CTNND2: variants seen among roughly 807,000 people sequenced by gnomAD.
The protein encoded by CTNND2 is catenin delta-2.
A neutral mutation model predicts 144.4 loss-of-function variants in CTNND2; 22 were observed. The observed-to-expected ratio is 0.15, with a 90% CI of 0.11 to 0.22. CTNND2 has a LOEUF of 0.22. Among genes scored for constraint, CTNND2 ranks in the 10% least tolerant of loss-of-function variants. CTNND2 has a pLI of 1.00. For synonymous variants in CTNND2, 751 were observed against 695.6 expected (o/e 1.08, Z -1.25); for missense variants, 1,353 against 1,618.8 (o/e 0.84, Z 2.82).
chr5:11,700,140 T>G (rs142676762), intron 2 of CTNND2, among the ~76,000 whole-genome samples: 1 of 152,080 alleles, frequency 6.6e-6, no homozygotes, highest in Non-Finnish European at 1.5e-5. Flanking sequence ...GTAATCCCAG[T>G]GCTTTGGGAG....
At chr5:11,522,851 G>A (rs1394238543) in intron 3 of CTNND2, among the ~76,000 whole-genome samples, 1 of 152,146 alleles carries the variant, frequency 6.6e-6, no homozygotes, top group Non-Finnish European at 1.5e-5. Flanking sequence ...AATTTACTAT[G>A]ATAAATACTG....
chr5:11,721,619 G>T (rs1015815136), intron 2 of CTNND2, among the ~76,000 whole-genome samples: 1 of 152,178 alleles, frequency 6.6e-6, no homozygotes, highest in East Asian at 1.9e-4. Context: ...GCTGGGGCTC[G>T]GGGCTCCACT....
intron 2 of CTNND2, among the ~76,000 whole-genome samples, chr5:11,640,313 T>C (rs1781934642): frequency 6.6e-6 from 1 of 152,224 alleles, no homozygotes; most frequent in South Asian, 2.1e-4. Flanking sequence ...TCTCTTTTCA[T>C]CACTAATTGC....
rs568421349 is a variant in CTNND2 at position 11,190,067 on chromosome 5, C to T, written c.1975+9381G>A. ...ATGGGCAATGTCTCAGCATAGAAGG[C>T]ATGAGATACAAAGCTGGTTAGGAGA... On this transcript the variant is annotated intron_variant, in intron 11 of 21. Coordinates refer to ENST00000304623, the MANE Select transcript of CTNND2 (RefSeq NM_001332.4). Among the ~76,000 whole-genome samples the T allele has an allele frequency of 5.9e-5, 9 of 152,318 alleles. No individual in the cohort carries two copies. In the South Asian group the frequency reaches 1.2e-3, roughly 21 times the overall value.
At chr5:11,860,418 T>G (rs1441094379) in intron 1 of CTNND2, among the ~76,000 whole-genome samples, 2 of 152,228 alleles carry the variant, frequency 1.3e-5, no homozygotes, top group Non-Finnish European at 2.9e-5. Flanking sequence ...ACACAGAGGT[T>G]TATAACCAAT....
chr5:11,539,747 T>C (rs1188737091), intron 3 of CTNND2, among the ~76,000 whole-genome samples: 33 of 152,262 alleles, frequency 2.2e-4, no homozygotes, highest in Admixed American at 6.5e-5. Flanking sequence ...AAAATTACCA[T>C]TGTGGGCCGG....
chr5:11,195,520 G>A (rs1257108516), intron 11 of CTNND2, among the ~76,000 whole-genome samples: 1 of 152,180 alleles, frequency 6.6e-6, no homozygotes, highest in Non-Finnish European at 1.5e-5. Context: ...GGGAATTAAT[G>A]ATGCCCGAAA....
At chr5:11,439,236 A>T (rs951445105) in intron 3 of CTNND2, among the ~76,000 whole-genome samples, 3 of 152,068 alleles carry the variant, frequency 2.0e-5, no homozygotes, top group African/African-American at 7.2e-5. Flanking sequence ...GTCACTGTTC[A>T]CTGTTCAGCA....
intron 2 of CTNND2, among the ~76,000 whole-genome samples, chr5:11,724,020 A>C (rs1786858652): frequency 6.6e-6 from 1 of 151,582 alleles, no homozygotes; most frequent in Non-Finnish European, 1.5e-5. Flanking sequence ...ACACCACTGC[A>C]CTCCAGCCTG....
intron 9 of CTNND2, among the ~76,000 whole-genome samples, chr5:11,242,875 G>A (rs564444561): frequency 6.6e-6 from 1 of 152,122 alleles, no homozygotes; most frequent in South Asian, 2.1e-4. Context: ...TGGTTTCCAT[G>A]GATCAATATA....
At chr5:11,710,767 C>T (rs1183643319) in intron 2 of CTNND2, among the ~76,000 whole-genome samples, 5 of 152,134 alleles carry the variant, frequency 3.3e-5, no homozygotes, top group African/African-American at 1.2e-4. Flanking sequence ...AAGGTCCGGG[C>T]AGTGCACCAC....
chr5:11,327,804 C>A (rs1752684528), intron 9 of CTNND2, among the ~76,000 whole-genome samples: 1 of 152,164 alleles, frequency 6.6e-6, no homozygotes, highest in African/African-American at 2.4e-5. Flanking sequence ...AATGCAGATT[C>A]TGATGTAGTA....
At chr5:11,175,494 T>C (rs967389376) in intron 11 of CTNND2, among the ~76,000 whole-genome samples, 4 of 152,206 alleles carry the variant, frequency 2.6e-5, no homozygotes, top group Non-Finnish European at 5.9e-5. Context: ...ACTTTTGCAT[T>C]CAACACATGT....
chr5:11,310,681 G>T (rs933253710), intron 9 of CTNND2, among the ~76,000 whole-genome samples: 2 of 151,662 alleles, frequency 1.3e-5, no homozygotes, highest in Admixed American at 1.3e-4. Flanking sequence ...TTCCCCAGCG[G>T]CATCTCAGTA....
intron 7 of CTNND2, among the ~76,000 whole-genome samples, chr5:11,366,528 C>G (rs572883169): frequency 6.6e-6 from 1 of 152,294 alleles, no homozygotes; most frequent in East Asian, 1.9e-4. Context: ...TTCATCGCAT[C>G]TGATCTGTCA....
rs369782611 is a variant in CTNND2 at position 11,344,349 on chromosome 5, G to A, written c.1628+2023C>T. Among the ~76,000 whole-genome samples, 30 of 150,798 alleles carry A rather than the reference G, an allele frequency of 2.0e-4. No homozygotes were observed. The South Asian group carries it at 5.6e-3, about 28-fold the overall frequency. On this transcript the variant is annotated intron_variant, in intron 9 of 21. Coordinates refer to ENST00000304623, the MANE Select transcript of CTNND2 (RefSeq NM_001332.4). The stretch of plus-strand genomic sequence containing the variant: ...GGAGCTTGCAGTGAGCGGAGATCGC[G>A]CCACAGCACTCCAGCCTGGGCGACA...
At chr5:11,151,762 G>T (rs1343760774) in intron 12 of CTNND2, among the ~76,000 whole-genome samples, 1 of 151,966 alleles carries the variant, frequency 6.6e-6, no homozygotes, top group Non-Finnish European at 1.5e-5. Context: ...GCATGATGGG[G>T]GATTTTATAT....
intron 9 of CTNND2, among the ~76,000 whole-genome samples, chr5:11,238,121 G>T (rs539465599): frequency 1.3e-5 from 2 of 152,230 alleles, no homozygotes; most frequent in East Asian, 1.9e-4. Flanking sequence ...GTCATACAAA[G>T]AAATATTCTT....
intron 3 of CTNND2, among the ~76,000 whole-genome samples, chr5:11,479,841 G>GT (rs1768082225): frequency 1.3e-5 from 2 of 151,494 alleles, no homozygotes; most frequent in South Asian, 2.1e-4. Context: ...ACTTTTTAAT[G>GT]TTTTTTCTTA....
Sources: allele counts gnomAD v4.1 joint callset (sites outside exome capture counted in the v4.1 genomes callset), GRCh38; gene constraint gnomAD v4.1.1; transcripts MANE v1.5; gene names NCBI Gene and HGNC (gene_info 2026-07-23, HGNC 2026-07-21).